CALCOCO2: variants seen among roughly 807,000 people sequenced by gnomAD.
The protein encoded by CALCOCO2 is calcium-binding and coiled-coil domain-containing protein 2.
In CALCOCO2, 42 loss-of-function variants were observed where a neutral mutation model predicts 62.5. The ratio of observed to expected loss-of-function variants is 0.67; its 90% CI spans 0.53 to 0.87. The LOEUF (loss-of-function observed/expected upper bound fraction) is 0.87, where lower values mean the gene tolerates loss of function less well. CALCOCO2 is among the 40% of genes least tolerant of loss of function. The probability of loss-of-function intolerance (pLI) is 0.00; values close to 1 mark genes in which losing one functional copy is unlikely to be tolerated. For missense variants in CALCOCO2, 456 were observed against 515.0 expected (o/e 0.89, Z 1.11); for synonymous variants, 167 against 173.0 (o/e 0.97, Z 0.27).
chr17:48,859,045 C>CAAAAAAAAAAAAAAAAAAAAA (rs61643790), intron 10 of CALCOCO2, among the ~76,000 whole-genome samples: 1 of 35,624 alleles, frequency 2.8e-5, no homozygotes, highest in Non-Finnish European at 4.7e-5. Context: ...GACTCTGTCT[C>CAAAAAAAAAAAAAAAAAAAAA]AAAAAAAAAA....
chr17:48,836,862 A>G (rs1351438927), intron 1 of CALCOCO2, among the ~76,000 whole-genome samples: 1 of 150,556 alleles, frequency 6.6e-6, no homozygotes, highest in Non-Finnish European at 1.5e-5. Flanking sequence ...TCCCAGGTTC[A>G]AGCTATTCTG....
Position 48,848,411 on chromosome 17 carries a change from T to C in CALCOCO2, c.373T>C (p.Phe125Leu). Residue 125 changes from phenylalanine (F) to leucine (L), a missense_variant, in exon 4 of 13, where the codon TTC becomes CTC. Coordinates refer to ENST00000258947, the MANE Select transcript of CALCOCO2 (RefSeq NM_005831.5). The part of the protein sequence containing the change: ...VVRGASIPFQ[F>L]RPENEEDILV... ...CCGGGGAGCAAGTATTCCTTTCCAA[T>C]TCCGTCCAGAAAATGAGGAAGACAT... The C allele has an allele frequency of 1.2e-6, 2 of 1,613,994 alleles. No individual in the cohort carries two copies. The highest frequency in any genetic ancestry group is 2.2e-5 in the South Asian group (2 of 91,080).
At chr17:48,862,205 T>C (rs1443764602) in intron 11 of CALCOCO2, 71 bp from the exon 12 acceptor site, 6 of 980,348 alleles carry the variant, frequency 6.1e-6, no homozygotes, top group Non-Finnish European at 1.0e-5. Context: ...AGGAAATATC[T>C]GCCAGAACAC....
intron 5 of CALCOCO2, 153 bp from the exon 6 acceptor site, chr17:48,850,936 A>G (rs112517474): frequency 5.6e-6 from 3 of 534,648 alleles, no homozygotes; most frequent in Non-Finnish European, 1.0e-5. Flanking sequence ...AAAAAAAAGA[A>G]CATTTTCCTT....
At chr17:48,856,618 T>G in intron 10 of CALCOCO2, 1 of 456,272 alleles carries the variant, frequency 2.2e-6, no homozygotes, top group Non-Finnish European at 4.4e-6. Flanking sequence ...GGACCCATGG[T>G]AGGCCCCTAA....
chr17:48,844,636 G>C (rs2040021521), intron 2 of CALCOCO2, among the ~76,000 whole-genome samples: 1 of 152,000 alleles, frequency 6.6e-6, no homozygotes, highest in African/African-American at 2.4e-5. Context: ...TCCTGTCTCA[G>C]CCTCCCGAGT....
intron 6 of CALCOCO2, 51 bp from the exon 7 acceptor site, chr17:48,851,508 A>G: frequency 9.8e-7 from 1 of 1,023,654 alleles, no homozygotes; most frequent in Non-Finnish European, 1.6e-6. Context: ...GGCCAGGGGT[A>G]GCTGACCTGG....
chr17:48,863,131 C>A lies in CALCOCO2; in HGVS notation c.*126C>A. On this transcript the variant is annotated 3_prime_UTR_variant, in exon 13 of 13. Coordinates refer to ENST00000258947, the MANE Select transcript of CALCOCO2 (RefSeq NM_005831.5). Reference sequence around the variant, plus strand: ...TTAGGGATTTACTCAGCCCTGCTGCCGCTAACAGTGGAGTTATGTCACTGA... The same window carrying A: ...TTAGGGATTTACTCAGCCCTGCTGCAGCTAACAGTGGAGTTATGTCACTGA... 2.7e-6 allele frequency: 2 copies of A among 729,440 alleles called. No individual in the cohort carries two copies. The highest frequency in any genetic ancestry group is 4.8e-6 in the Non-Finnish European group (2 of 416,514). The allele number at this position is 729,440 out of a possible 1,614,324, so 45.2% of individuals were successfully genotyped here. A position where few individuals can be genotyped will look rare whatever the true frequency, so the allele number is the denominator to read the frequency against.
At chr17:48,854,397 T>TA (rs1491128634) in intron 9 of CALCOCO2, among the ~76,000 whole-genome samples, 260 of 1,676 alleles carry the variant, frequency 0.16, 17 homozygotes, top group African/African-American at 0.23. Context: ...TATATATATA[T>TA]TTTTTTTTTT....
chr17:48,851,409 C>T lies in CALCOCO2; in HGVS notation c.633-150C>T, dbSNP rs1598037954. On this transcript the variant is annotated intron_variant, in intron 6 of 12. Coordinates refer to ENST00000258947, the MANE Select transcript of CALCOCO2 (RefSeq NM_005831.5). Reference sequence around the variant, plus strand: ...TTGAATACTTGCAGTTTTTTGGAGTCAGGAAGCCAAAACAGGACTGCAATG... The same window carrying T: ...TTGAATACTTGCAGTTTTTTGGAGTTAGGAAGCCAAAACAGGACTGCAATG... 18 of 634,052 alleles carry T rather than the reference C, an allele frequency of 2.8e-5. No individual in the cohort carries two copies. In the South Asian group the frequency reaches 3.4e-4, roughly 12 times the overall value. 39.3% of individuals were successfully genotyped at this position (634,052 alleles called of 1,614,324 possible). A position where few individuals can be genotyped will look rare whatever the true frequency, so the allele number is the denominator to read the frequency against.
In CALCOCO2 at chr17:48,852,629, G is replaced by T; in HGVS notation, c.825+1G>T. On this transcript the variant is annotated splice_donor_variant, in intron 8 of 12. Transcript: ENST00000258947. LOFTEE classifies it high-confidence loss of function. ...CCTCTTTCTCAGTTTAACTGAACAG[G>T]TAGAGTCATGAGAGAAAACAACACT... 1.2e-6 allele frequency: 2 copies of T among 1,610,944 alleles called. No individual in the cohort carries two copies. The highest frequency in any genetic ancestry group is 2.2e-5 in the South Asian group (2 of 90,640).
chr17:48,846,131 AT>A (rs2040050912), intron 2 of CALCOCO2: 2 of 984,686 alleles, frequency 2.0e-6, no homozygotes, highest in African/African-American at 1.7e-5. Context: ...TTTTTTATTT[AT>A]TTTTTAAAAT....
chr17:48,838,662 C>G (rs2039930951), intron 1 of CALCOCO2, among the ~76,000 whole-genome samples: 1 of 151,858 alleles, frequency 6.6e-6, no homozygotes, highest in Non-Finnish European at 1.5e-5. Context: ...TGCAGTGAGC[C>G]GAGATCGCGC....
chr17:48,841,139 A>G (rs73989215), intron 1 of CALCOCO2, among the ~76,000 whole-genome samples: 1 of 152,202 alleles, frequency 6.6e-6, no homozygotes, highest in Non-Finnish European at 1.5e-5. Context: ...TGAAGCTGGA[A>G]TTTGAACGCC....
intron 2 of CALCOCO2, chr17:48,847,813 G>C (rs935457637): frequency 3.5e-5 from 11 of 317,016 alleles, no homozygotes; most frequent in Middle Eastern, 9.9e-4. Context: ...ACACCACCGT[G>C]CCAACTTATT....
chr17:48,851,703 A>G (rs754702323), intron 7 of CALCOCO2, 75 bp downstream of exon 7: 5 of 849,488 alleles, frequency 5.9e-6, no homozygotes, highest in Non-Finnish European at 1.0e-5. Flanking sequence ...GCCTAGAAAG[A>G]TGTATTTCAT....
At chr17:48,861,661 G>GTATATATATATATATATATATATA (rs59973644) in intron 11 of CALCOCO2, among the ~76,000 whole-genome samples, 13 of 135,132 alleles carry the variant, frequency 9.6e-5, no homozygotes, top group African/African-American at 3.8e-4. Context: ...ATGTGTGTGT[G>GTATATATATATATATATATATATA]TATATATATA....
At chr17:48,849,071 C>T (rs1464978369) in intron 4 of CALCOCO2, among the ~76,000 whole-genome samples, 181 bp from the exon 5 acceptor site, 3 of 152,134 alleles carry the variant, frequency 2.0e-5, no homozygotes, top group Non-Finnish European at 4.4e-5. Flanking sequence ...CTTGGTATTG[C>T]TGCAATTATA....
chr17:48,831,941 G>A (rs1181128722), intron 1 of CALCOCO2: 1 of 152,196 alleles, frequency 6.6e-6, no homozygotes, highest in Admixed American at 6.5e-5. Context: ...AGTTTCCCAG[G>A]TATTTTCAAG....
Sources: allele counts gnomAD v4.1 joint callset (sites outside exome capture counted in the v4.1 genomes callset), GRCh38; gene constraint gnomAD v4.1.1; transcripts MANE v1.5; gene names NCBI Gene and HGNC (gene_info 2026-07-23, HGNC 2026-07-21).